LACC1: variants seen among roughly 807,000 people sequenced by gnomAD.
LACC1 encodes the protein purine nucleoside phosphorylase LACC1.
In LACC1, 25 loss-of-function variants were observed where a neutral mutation model predicts 34.8. The observed-to-expected ratio is 0.72, with a 90% CI of 0.52 to 1.00. LACC1 has a LOEUF of 1.00. Among genes scored for constraint, LACC1 ranks in the 50% least tolerant of loss-of-function variants. The pLI is 0.00. For synonymous variants in LACC1, 162 were observed against 168.0 expected (o/e 0.96, Z 0.28); for missense variants, 426 against 511.2 (o/e 0.83, Z 1.61).
intron 5 of LACC1, 89 bp downstream of exon 5, chr13:43,889,071 G>A (rs1198214397): frequency 3.8e-6 from 4 of 1,057,398 alleles, no homozygotes; most frequent in Non-Finnish European, 5.7e-6. Context: ...ATAACTCTAA[G>A]AAGAATTTAG....
At chr13:43,887,189 A>C (rs1955371802) in intron 4 of LACC1, among the ~76,000 whole-genome samples, 1 of 152,178 alleles carries the variant, frequency 6.6e-6, no homozygotes, top group South Asian at 2.1e-4. Context: ...TACAGATAGA[A>C]ACTTGATGTC....
intron 6 of LACC1, among the ~76,000 whole-genome samples, chr13:43,890,671 T>A (rs569458463): frequency 1.3e-5 from 2 of 152,218 alleles, no homozygotes; most frequent in Non-Finnish European, 2.9e-5. Flanking sequence ...TCCTTATAAC[T>A]TTCATGTTAT....
Position 43,890,118 on chromosome 13 carries a change from C to T in LACC1, c.1138C>T (p.Leu380Phe). ...TTGAAAAATATTTTTCCTAAGGATT[C>T]TTCTAGAACAGGGAGGAATTCTTCC... The part of the protein sequence containing the change: ...CIDIRKATRI[L>F]LEQGGILPQN... The change falls in exon 6 of 7, where the codon CTT becomes TTT. Residue 380 changes from leucine to phenylalanine, a missense_variant. Transcript: ENST00000325686. 1 of 1,608,684 alleles carries T rather than the reference C, an allele frequency of 6.2e-7. No homozygotes were observed. Among genetic ancestry groups the T allele is most frequent in the South Asian group, 1.1e-5 (1 of 90,176 alleles).
rs746956521 is a variant in LACC1, at chr13:43,883,956, C to T, written c.907+20C>T. 2 of 1,582,592 alleles carry T rather than the reference C, an allele frequency of 1.3e-6. No individual in the cohort carries two copies. Among genetic ancestry groups the T allele is most frequent in the Non-Finnish European group, 1.7e-6 (2 of 1,163,900 alleles). On this transcript the variant is annotated intron_variant, in intron 4 of 6. Coordinates refer to ENST00000325686, the MANE Select transcript of LACC1 (RefSeq NM_153218.4). ...ACGCTGGTAAGTATACTTAATTAAA[C>T]ATTTAGAATTTTACTCATTTTGTTG...
chr13:43,884,937 T>G (rs1955244633), intron 4 of LACC1, among the ~76,000 whole-genome samples: 1 of 152,144 alleles, frequency 6.6e-6, no homozygotes, highest in Admixed American at 6.5e-5. Context: ...ACATTTAGTT[T>G]AAACATATCC....
intron 4 of LACC1, among the ~76,000 whole-genome samples, chr13:43,884,473 A>G (rs923536526): frequency 6.6e-6 from 1 of 152,192 alleles, no homozygotes. Context: ...GTTCACCCAG[A>G]TGGAGCTGCA....
chr13:43,889,571 T>C (rs1357214968), intron 5 of LACC1, among the ~76,000 whole-genome samples: 2 of 152,200 alleles, frequency 1.3e-5, no homozygotes, highest in Non-Finnish European at 2.9e-5. Context: ...GCCAAAACTT[T>C]ACCCAGAGTC....
At chr13:43,880,909 G>C in intron 1 of LACC1, 43 bp from the exon 2 acceptor site, 2 of 1,251,698 alleles carry the variant, frequency 1.6e-6, no homozygotes, top group Non-Finnish European at 1.1e-6. Flanking sequence ...GTAACTATAA[G>C]ATTTATATAA....
At chr13:43,883,718 G>T in intron 3 of LACC1, 53 bp from the exon 4 acceptor site, 1 of 1,383,524 alleles carries the variant, frequency 7.2e-7, no homozygotes, top group East Asian at 2.3e-5. Context: ...GAAAGCTTAT[G>T]GTATAAGAAA....
chr13:43,884,204 C>T (rs1955205180), intron 4 of LACC1, among the ~76,000 whole-genome samples: 1 of 152,130 alleles, frequency 6.6e-6, no homozygotes. Context: ...AACAGTGTTC[C>T]TTAGCAAGGG....
At chr13:43,889,117 C>T in intron 5 of LACC1, 135 bp downstream of exon 5, 2 of 634,482 alleles carry the variant, frequency 3.2e-6, no homozygotes, top group Non-Finnish European at 5.5e-6. Flanking sequence ...TGCACATGTA[C>T]ACAAACACTC....
intron 2 of LACC1, among the ~76,000 whole-genome samples, chr13:43,881,829 C>T (rs892987477): frequency 2.0e-5 from 3 of 152,194 alleles, no homozygotes; most frequent in African/African-American, 7.2e-5. Context: ...ATTTATGACA[C>T]TGAAAATCTT....
Position 43,892,201 on chromosome 13 carries a change from ATG to A in LACC1, c.*756_*757del, listed in dbSNP as rs1566972242. On this transcript the variant is annotated 3_prime_UTR_variant, in exon 7 of 7. Coordinates refer to ENST00000325686, the MANE Select transcript of LACC1 (RefSeq NM_153218.4). ...GGCAGCCAAAAAAAAAAAAGTAAGG[ATG>A]TTTTTTTTTTTTTTCCCATGGCATC... 7.2e-6 allele frequency: 1 copy of A among 139,800 alleles called. No homozygotes were observed. The highest frequency in any genetic ancestry group is 1.5e-5 in the Non-Finnish European group (1 of 64,558). 8.7% of individuals were successfully genotyped at this position (139,800 alleles called of 1,614,324 possible). A position where few individuals can be genotyped will look rare whatever the true frequency, so the allele number is the denominator to read the frequency against.
In LACC1 at chr13:43,893,451, A is replaced by G. The variant is rs1363967156; in HGVS notation, c.*2004A>G. ...CTTTTATTGTTAACTTTTTGTTAAC[A>G]TAATTTATTCATACATTCAGTGAAA... On this transcript the variant is annotated 3_prime_UTR_variant, in exon 7 of 7. Transcript: ENST00000325686. 1 of 152,058 alleles carries G rather than the reference A, an allele frequency of 6.6e-6. No individual in the cohort carries two copies. The highest frequency in any genetic ancestry group is 2.4e-5 in the African/African-American group (1 of 41,442). 9.4% of individuals were successfully genotyped at this position (152,058 alleles called of 1,614,324 possible).
In LACC1 at chr13:43,891,449, A is replaced by G. The variant is rs1316225447; in HGVS notation, c.*2A>G. On this transcript the variant is annotated splice_region_variant and 3_prime_UTR_variant, in exon 7 of 7. Transcript: ENST00000325686. The stretch of plus-strand genomic sequence containing the variant: ...TATTTGATTTCTATGTATTTTACAG[A>G]TACTTGACTGGATTTTTGTATAACT... 4.1e-6 allele frequency: 4 copies of G among 983,304 alleles called. No homozygotes were observed. The East Asian group carries it at 4.5e-4, about 110-fold the overall frequency. 60.9% of individuals were successfully genotyped at this position (983,304 alleles called of 1,614,324 possible).
At chr13:43,885,341 G>T (rs1186720819) in intron 4 of LACC1, among the ~76,000 whole-genome samples, 2 of 152,008 alleles carry the variant, frequency 1.3e-5, no homozygotes, top group South Asian at 2.1e-4. Context: ...GAGTCATATT[G>T]CCTCCCTTCA....
chr13:43,885,382 C>T (rs1250071588), intron 4 of LACC1, among the ~76,000 whole-genome samples: 2 of 152,142 alleles, frequency 1.3e-5, no homozygotes, highest in Non-Finnish European at 2.9e-5. Flanking sequence ...GTTACCAAAA[C>T]AGCATGGTAC....
At chr13:43,887,128 T>A (rs991934822) in intron 4 of LACC1, among the ~76,000 whole-genome samples, 1 of 152,128 alleles carries the variant, frequency 6.6e-6, no homozygotes, top group African/African-American at 2.4e-5. Flanking sequence ...TTTCCTAAAG[T>A]CTTCTCTGCC....
intron 6 of LACC1, among the ~76,000 whole-genome samples, chr13:43,891,130 A>G (rs1594903550): frequency 6.6e-6 from 1 of 152,216 alleles, no homozygotes; most frequent in Non-Finnish European, 1.5e-5. Flanking sequence ...GATTTGGCCT[A>G]TAGGCTATAG....
Sources: allele counts gnomAD v4.1 joint callset (sites outside exome capture counted in the v4.1 genomes callset), GRCh38; gene constraint gnomAD v4.1.1; transcripts MANE v1.5; gene names NCBI Gene and HGNC (gene_info 2026-07-23, HGNC 2026-07-21).